Variants in ICA1 observed in about 807,000 individuals in gnomAD.
ICA1 encodes the protein islet cell autoantigen 1.
In ICA1, 40 loss-of-function variants were observed where a neutral mutation model predicts 71.0. The ratio of observed to expected loss-of-function variants is 0.56; its 90% CI spans 0.44 to 0.73. The LOEUF (loss-of-function observed/expected upper bound fraction) is 0.73, where lower values mean the gene tolerates loss of function less well. Among genes scored for constraint, ICA1 ranks in the 30% least tolerant of loss-of-function variants. ICA1 has a pLI of 0.00. For synonymous variants in ICA1, 207 were observed against 209.5 expected (o/e 0.99, Z 0.10); for missense variants, 578 against 576.5 (o/e 1.00, Z -0.03).
rs559498348 is a variant in ICA1 at position 8,163,967 on chromosome 7, C to T, written c.580-5315G>A. On this transcript the variant is annotated intron_variant, in intron 6 of 13. Coordinates refer to ENST00000402384, the MANE Select transcript of ICA1 (RefSeq NM_001136020.3). ...ATCCTATTTTCAGTTTGAAAGATTA[C>T]TCACTGCAGTGGGAGATGGACTGAA... 1.6e-4 allele frequency among the ~76,000 whole-genome samples: 25 copies of T among 152,170 alleles called. No individual in the cohort carries two copies. In the South Asian group the frequency reaches 5.0e-3, roughly 30 times the overall value.
intron 6 of ICA1, among the ~76,000 whole-genome samples, chr7:8,205,874 C>T (rs1791348790): frequency 6.6e-6 from 1 of 152,200 alleles, no homozygotes; most frequent in African/African-American, 2.4e-5. Flanking sequence ...TTAAGGCTGA[C>T]AGAAAACCTC....
chr7:8,240,043 A>C (rs966540501), intron 1 of ICA1, among the ~76,000 whole-genome samples: 4 of 152,214 alleles, frequency 2.6e-5, no homozygotes, highest in African/African-American at 9.6e-5. Flanking sequence ...TGAAGAGAGC[A>C]GTGGTTCTCC....
intron 6 of ICA1, among the ~76,000 whole-genome samples, chr7:8,169,604 G>T (rs1372504365): frequency 6.6e-6 from 1 of 151,990 alleles, no homozygotes; most frequent in Non-Finnish European, 1.5e-5. Context: ...AATGACTAAT[G>T]ATATTGAACT....
At chr7:8,157,020 T>C (rs1801851173) in intron 8 of ICA1, 96 bp downstream of exon 8, 1 of 1,607,012 alleles carries the variant, frequency 6.2e-7, no homozygotes, top group Non-Finnish European at 8.5e-7. Context: ...TTCTGAGTCC[T>C]GGAATAATGA....
At chr7:8,241,059 A>G (rs539852828) in intron 1 of ICA1, among the ~76,000 whole-genome samples, 27 of 152,336 alleles carry the variant, frequency 1.8e-4, no homozygotes, top group Non-Finnish European at 3.5e-4. Flanking sequence ...CAGGAATTAC[A>G]GAGAACACCA....
chr7:8,186,017 T>A (rs879734425), intron 6 of ICA1, among the ~76,000 whole-genome samples: 4 of 152,172 alleles, frequency 2.6e-5, no homozygotes, highest in African/African-American at 9.7e-5. Flanking sequence ...ATGATACACA[T>A]TAGGAAGTGT....
At chr7:8,171,233 T>A (rs887216512) in intron 6 of ICA1, among the ~76,000 whole-genome samples, 1 of 151,904 alleles carries the variant, frequency 6.6e-6, no homozygotes, top group Non-Finnish European at 1.5e-5. Flanking sequence ...ATTTCTTCCG[T>A]ATATGTTTGG....
At chr7:8,119,768 C>T (rs908834197) in intron 13 of ICA1, among the ~76,000 whole-genome samples, 2 of 152,164 alleles carry the variant, frequency 1.3e-5, no homozygotes, top group Non-Finnish European at 2.9e-5. Flanking sequence ...TTCGCTTGAA[C>T]CCGGGAGGCG....
intron 1 of ICA1, among the ~76,000 whole-genome samples, chr7:8,253,266 A>C (rs1398400438): frequency 1.3e-5 from 2 of 152,212 alleles, no homozygotes; most frequent in African/African-American, 4.8e-5. Context: ...ATAAAATCAT[A>C]TGTATCTTCT....
chr7:8,118,802 C>A (rs999796248), intron 13 of ICA1, among the ~76,000 whole-genome samples: 1 of 152,224 alleles, frequency 6.6e-6, no homozygotes, highest in African/African-American at 2.4e-5. Flanking sequence ...TTTCCCCTAA[C>A]CCCTGCAGCT....
At chr7:8,231,562 A>T (rs892918633) in intron 3 of ICA1, among the ~76,000 whole-genome samples, 1 of 152,212 alleles carries the variant, frequency 6.6e-6, no homozygotes, top group Non-Finnish European at 1.5e-5. Flanking sequence ...TATTTCATGC[A>T]TTAAGAAAAC....
chr7:8,163,707 A>G (rs1165502018), intron 6 of ICA1, among the ~76,000 whole-genome samples: 3 of 152,204 alleles, frequency 2.0e-5, no homozygotes, highest in African/African-American at 7.2e-5. Flanking sequence ...GTCCAGTGGA[A>G]GGAAAAGTGT....
intron 1 of ICA1, among the ~76,000 whole-genome samples, chr7:8,248,805 T>C (rs191723216): frequency 1.3e-5 from 2 of 152,144 alleles, no homozygotes; most frequent in Admixed American, 1.3e-4. Flanking sequence ...AGTGGTACAT[T>C]AGAAACATCC....
chr7:8,127,865 T>A lies in ICA1; in HGVS notation c.1330+8A>T. The A allele has an allele frequency of 6.3e-7, 1 of 1,598,706 alleles. No homozygotes were observed. The highest frequency in any genetic ancestry group is 8.5e-7 in the Non-Finnish European group (1 of 1,171,104). On this transcript the variant is annotated splice_region_variant and intron_variant, in intron 13 of 13. Coordinates refer to ENST00000402384, the MANE Select transcript of ICA1 (RefSeq NM_001136020.3). ...AAAAAACCCCATTTCAATCCCCACC[T>A]TACCTACCTTGTAGCGAGGCCTGTA...
chr7:8,235,327 G>C (rs1032250443), intron 2 of ICA1, among the ~76,000 whole-genome samples: 1 of 152,146 alleles, frequency 6.6e-6, no homozygotes, highest in African/African-American at 2.4e-5. Context: ...AAGAGCTCTG[G>C]ACCTTACAAG....
intron 8 of ICA1, among the ~76,000 whole-genome samples, chr7:8,152,912 C>A (rs1347478309): frequency 6.6e-6 from 1 of 151,852 alleles, no homozygotes; most frequent in Non-Finnish European, 1.5e-5. Context: ...TCTCCTTCAT[C>A]ACCACTACCC....
chr7:8,207,728 T>C (rs1346219708), intron 6 of ICA1, among the ~76,000 whole-genome samples: 2 of 152,220 alleles, frequency 1.3e-5, no homozygotes, highest in Non-Finnish European at 2.9e-5. Context: ...AGCCTCCATT[T>C]CCTCATTTCC....
intron 1 of ICA1, among the ~76,000 whole-genome samples, chr7:8,237,762 C>A (rs948488874): frequency 6.6e-6 from 1 of 151,844 alleles, no homozygotes; most frequent in South Asian, 2.1e-4. Flanking sequence ...TAGTATATGA[C>A]AGGACTTCCT....
At chr7:8,205,719 G>C (rs1299403128) in intron 6 of ICA1, among the ~76,000 whole-genome samples, 1 of 152,208 alleles carries the variant, frequency 6.6e-6, no homozygotes, top group Non-Finnish European at 1.5e-5. Flanking sequence ...GTAAGACCTG[G>C]AAGACTCCCA....
Sources: gnomAD v4.1 joint callset for allele counts (sites outside exome capture counted in the v4.1 genomes callset) on GRCh38, gnomAD v4.1.1 for gene constraint, MANE v1.5 for transcripts, NCBI Gene and HGNC (gene_info 2026-07-23, HGNC 2026-07-21) for gene names.